The following CTNNBIP1 variants were observed in gnomAD, a reference collection of about 807,000 sequenced individuals.
CTNNBIP1 encodes the protein catenin beta interacting protein 1.
Under a neutral mutation model 11.8 loss-of-function variants are expected in CTNNBIP1, and 7 were observed. That is an observed-to-expected ratio of 0.60 (90% CI 0.34 to 1.12). The LOEUF is 1.12. Among genes scored for constraint, CTNNBIP1 ranks in the 50% most tolerant of loss-of-function variants. The pLI, the probability that CTNNBIP1 is intolerant of heterozygous loss-of-function variation, is 0.03. For synonymous variants in CTNNBIP1, 58 were observed against 43.9 expected (o/e 1.32, Z -1.26); for missense variants, 101 against 113.4 (o/e 0.89, Z 0.50).
chr1:9,892,744 C>G (rs1241061263), intron 1 of CTNNBIP1, among the ~76,000 whole-genome samples: 1 of 152,158 alleles, frequency 6.6e-6, no homozygotes, highest in East Asian at 1.9e-4. Flanking sequence ...GTTCCTGGCT[C>G]CACGCATCAC....
chr1:9,901,135 C>T (rs61785597), intron 1 of CTNNBIP1, among the ~76,000 whole-genome samples: 6,375 of 152,266 alleles, frequency 0.042, 465 homozygotes, highest in African/African-American at 0.14. Context: ...TACAGAGAAG[C>T]ATTAAAATGT....
rs752832427 is a variant in CTNNBIP1 at position 9,849,709 on chromosome 1, G to T, written c.*1009C>A. On this transcript the variant is annotated 3_prime_UTR_variant, in exon 6 of 6. Coordinates refer to ENST00000377263, the MANE Select transcript of CTNNBIP1 (RefSeq NM_020248.3). ...AAGGATGGCCAAGAGGACAGAGCTG[G>T]GTAGTACGCCTCTGCTGGGCGCGGC... 1.3e-5 allele frequency: 2 copies of T among 152,362 alleles called. No individual in the cohort carries two copies. Among genetic ancestry groups the T allele is most frequent in the African/African-American group, 4.8e-5 (2 of 41,472 alleles). 9.4% of individuals were successfully genotyped at this position (152,362 alleles called of 1,614,324 possible).
chr1:9,852,038 T>G (rs1338084666), intron 5 of CTNNBIP1, among the ~76,000 whole-genome samples: 1 of 152,114 alleles, frequency 6.6e-6, no homozygotes, highest in Non-Finnish European at 1.5e-5. Context: ...GCAGGTATTC[T>G]CTCTGGGAGG....
chr1:9,861,257 T>C (rs1441119867), intron 5 of CTNNBIP1, among the ~76,000 whole-genome samples: 3 of 152,210 alleles, frequency 2.0e-5, no homozygotes, highest in Non-Finnish European at 2.9e-5. Context: ...AGGGAAAGGC[T>C]ACCTGGAAAA....
intron 3 of CTNNBIP1, among the ~76,000 whole-genome samples, chr1:9,874,546 T>C (rs758063919): frequency 2.6e-5 from 4 of 152,238 alleles, no homozygotes; most frequent in African/African-American, 4.8e-5. Context: ...TGAGCCACCA[T>C]GCCCGCCTGT....
At position 9,850,182 on chromosome 1, in the gene CTNNBIP1, A is replaced by C. The variant is rs1432326684; in HGVS notation, c.*536T>G. On this transcript the variant is annotated 3_prime_UTR_variant, in exon 6 of 6. Coordinates refer to ENST00000377263, the MANE Select transcript of CTNNBIP1 (RefSeq NM_020248.3). ...TGGTTTCTTTCTTTTCAAGTCAAAT[A>C]TAACGACTAATGTCCCAGACCCTGT... The C allele has an allele frequency of 6.5e-6, 1 of 152,766 alleles. No homozygotes were observed. Among genetic ancestry groups the C allele is most frequent in the Non-Finnish European group, 1.5e-5 (1 of 68,128 alleles). 9.5% of individuals were successfully genotyped at this position (152,766 alleles called of 1,614,324 possible).
At chr1:9,889,796 T>A (rs1279154510) in intron 1 of CTNNBIP1, among the ~76,000 whole-genome samples, 1 of 152,218 alleles carries the variant, frequency 6.6e-6, no homozygotes, top group African/African-American at 2.4e-5. Context: ...TCTTATTAAA[T>A]GTAATCCTCA....
intron 1 of CTNNBIP1, among the ~76,000 whole-genome samples, chr1:9,889,237 A>T (rs1639247201): frequency 6.6e-6 from 1 of 152,214 alleles, no homozygotes; most frequent in Non-Finnish European, 1.5e-5. Context: ...GGTCAGATCC[A>T]AGCTTACCCT....
chr1:9,893,501 C>T (rs1427250831), intron 1 of CTNNBIP1, among the ~76,000 whole-genome samples: 1 of 152,120 alleles, frequency 6.6e-6, no homozygotes, highest in African/African-American at 2.4e-5. Context: ...ACGACTCACC[C>T]AAGACTGTTA....
chr1:9,880,348 T>C (rs143972908), intron 2 of CTNNBIP1, among the ~76,000 whole-genome samples: 2,546 of 152,340 alleles, frequency 0.017, 61 homozygotes, highest in African/African-American at 0.057. Flanking sequence ...ACAGTGTATA[T>C]GTGCCACATT....
Position 9,871,864 on chromosome 1 carries a change from C to T in CTNNBIP1, c.96+105G>A, listed in dbSNP as rs1054499846. ...GCGGCCCCTCCTCAGCCCGTGGCTCCGCAGGAGGCAGCCGCAGTGGCTCCA... is the reference window on the plus strand; with the variant it reads ...GCGGCCCCTCCTCAGCCCGTGGCTCTGCAGGAGGCAGCCGCAGTGGCTCCA... On this transcript the variant is annotated intron_variant, in intron 4 of 5. Transcript: ENST00000377263. The surrounding 1 kb of genome is among the most constrained non-coding windows in gnomAD (Gnocchi z 5.2). The T allele has an allele frequency of 2.4e-5, 24 of 987,526 alleles. No individual in the cohort carries two copies. Among genetic ancestry groups the T allele is most frequent in the African/African-American group, 1.1e-4 (7 of 63,138 alleles). The allele number at this position is 987,526 out of a possible 1,614,324, so 61.2% of individuals were successfully genotyped here.
intron 5 of CTNNBIP1, among the ~76,000 whole-genome samples, chr1:9,870,802 A>C (rs1467191294): frequency 6.6e-6 from 1 of 152,200 alleles, no homozygotes; most frequent in East Asian, 1.9e-4. Context: ...CTAGCACACA[A>C]GGGCAGTTTC....
At chr1:9,877,407 T>A (rs1321823088) in intron 3 of CTNNBIP1, among the ~76,000 whole-genome samples, 1 of 152,208 alleles carries the variant, frequency 6.6e-6, no homozygotes, top group Non-Finnish European at 1.5e-5. Context: ...TTATCTATGT[T>A]AGAATATTCA....
At chr1:9,868,218 C>T (rs1638788033) in intron 5 of CTNNBIP1, among the ~76,000 whole-genome samples, 1 of 152,194 alleles carries the variant, frequency 6.6e-6, no homozygotes, top group African/African-American at 2.4e-5. Context: ...GAGTGACTCC[C>T]ACCACCTATT....
intron 2 of CTNNBIP1, among the ~76,000 whole-genome samples, chr1:9,880,825 T>C (rs1639066372): frequency 6.6e-6 from 1 of 152,178 alleles, no homozygotes; most frequent in South Asian, 2.1e-4. Context: ...CACTGATTGG[T>C]TGTGCACCGT....
chr1:9,907,097 T>G (rs1639633824), intron 1 of CTNNBIP1, among the ~76,000 whole-genome samples: 1 of 152,226 alleles, frequency 6.6e-6, no homozygotes, highest in African/African-American at 2.4e-5. Flanking sequence ...CAAGGTCCTC[T>G]CATTCTGACA....
intron 5 of CTNNBIP1, among the ~76,000 whole-genome samples, chr1:9,866,861 G>A (rs1638757922): frequency 6.6e-6 from 1 of 151,976 alleles, no homozygotes; most frequent in Non-Finnish European, 1.5e-5. Flanking sequence ...AGAGGGGGCT[G>A]GAAATGAGAG....
At chr1:9,909,289 C>A (rs1027466198) in intron 1 of CTNNBIP1, among the ~76,000 whole-genome samples, 2 of 152,194 alleles carry the variant, frequency 1.3e-5, no homozygotes, top group African/African-American at 4.8e-5. Context: ...ATACTGAGAT[C>A]CTCAGACAGG....
intron 5 of CTNNBIP1, among the ~76,000 whole-genome samples, chr1:9,862,625 T>C (rs1638654335): frequency 6.6e-6 from 1 of 152,190 alleles, no homozygotes; most frequent in Non-Finnish European, 1.5e-5. Context: ...TCATGCCTTC[T>C]TGCCCAGCAT....
Sources: gnomAD v4.1 joint callset for allele counts (sites outside exome capture counted in the v4.1 genomes callset) on GRCh38, gnomAD v4.1.1 for gene constraint, Gnocchi (gnomAD v3.1) non-coding constraint, MANE v1.5 for transcripts, NCBI Gene and HGNC (gene_info 2026-07-23, HGNC 2026-07-21) for gene names.